The following DGKD variants were observed in gnomAD, a reference collection of about 807,000 sequenced individuals.
The protein encoded by DGKD is DAG kinase delta.
In DGKD, 68 loss-of-function variants were observed where a neutral mutation model predicts 154.4. The observed-to-expected ratio is 0.44, with a 90% CI of 0.36 to 0.54. DGKD has a LOEUF of 0.54. Among genes scored for constraint, DGKD ranks in the 20% least tolerant of loss-of-function variants. The pLI is 0.00. For missense variants in DGKD, 1,343 were observed against 1,593.6 expected (o/e 0.84, Z 2.68); for synonymous variants, 693 against 638.0 (o/e 1.09, Z -1.30).
rs1010556786 is a variant in DGKD, at chr2:233,459,844, A to G, written c.2782A>G (p.Ile928Val). Residue 928 changes from isoleucine to valine, a missense_variant, in exon 23 of 30, where the codon ATT (isoleucine) becomes GTT (valine). Transcript: ENST00000264057. The surrounding 1 kb of genome is among the most constrained non-coding windows in gnomAD (Gnocchi z 5.7). ...GGCCTGGGTCCAGCCGCCAGGGTAC[A>G]TTCGGATTGTCCACAAGAACCGGGC... Reference protein sequence around the residue: ...GEAWVQPPGYIRIVHKNRAQT... With the variant: ...GEAWVQPPGYVRIVHKNRAQT... 5.0e-6 allele frequency: 8 copies of G among 1,613,978 alleles called. No individual in the cohort carries two copies. Among genetic ancestry groups the G allele is most frequent in the East Asian group, 2.2e-5 (1 of 44,876 alleles).
At position 233,441,823 on chromosome 2, in the gene DGKD, G is replaced by T; in HGVS notation, c.1086-64G>T. ...ACAGGTGGCCCCTCAGCCCCGTACTGACAAGCCTGTCATTTGTCCTGTGGA... is the reference window on the plus strand; with the variant it reads ...ACAGGTGGCCCCTCAGCCCCGTACTTACAAGCCTGTCATTTGTCCTGTGGA... On this transcript the variant is annotated intron_variant, in intron 9 of 29. Transcript: ENST00000264057. This position sits in a 1 kb window ranked among gnomAD's most constrained non-coding sequence, Gnocchi z 5.6. 1.3e-6 allele frequency: 2 copies of T among 1,518,236 alleles called. No individual in the cohort carries two copies. The highest frequency in any genetic ancestry group is 2.4e-5 in the South Asian group (2 of 82,258). 94.0% of individuals were successfully genotyped at this position (1,518,236 alleles called of 1,614,324 possible). A position where few individuals can be genotyped will look rare whatever the true frequency, so the allele number is the denominator to read the frequency against.
intron 11 of DGKD, among the ~76,000 whole-genome samples, chr2:233,446,062 C>A (rs1016624897): frequency 6.6e-6 from 1 of 152,200 alleles, no homozygotes; most frequent in African/African-American, 2.4e-5. Context: ...TGCTTCAGCC[C>A]GAGATCTAAT....
chr2:233,409,792 T>G (rs903464822), intron 3 of DGKD, among the ~76,000 whole-genome samples: 5 of 39,888 alleles, frequency 1.3e-4, no homozygotes, highest in Admixed American at 2.4e-4. Flanking sequence ...ATACCGTTTT[T>G]TTTTTTTTTT....
At position 233,468,502 on chromosome 2, in the gene DGKD, G is replaced by T. The variant is rs1387940009; in HGVS notation, c.3504G>T (p.Arg1168=). Residue 1168 remains arginine, a synonymous_variant, in exon 29 of 30, where the codon CGG becomes CGT. Coordinates refer to ENST00000264057, the MANE Select transcript of DGKD (RefSeq NM_152879.3). ...SLCEYKDIFT[R]HDIRGSELLH... ...GTGAGTATAAGGACATCTTCACACG[G>T]CACGACATCCGGGGCTCTGAGCTCC... 1 of 1,613,612 alleles carries T rather than the reference G, an allele frequency of 6.2e-7. No individual in the cohort carries two copies. The highest frequency in any genetic ancestry group is 1.3e-5 in the African/African-American group (1 of 74,784).
chr2:233,462,649 A>T lies in DGKD; in HGVS notation c.3100A>T (p.Asn1034Tyr), dbSNP rs1261692295. 1 of 1,614,036 alleles carries T rather than the reference A, an allele frequency of 6.2e-7. No individual in the cohort carries two copies. The highest frequency in any genetic ancestry group is 1.7e-5 in the Admixed American group (1 of 60,016). Reference protein sequence around the residue: ...YGKPRTTEGLNCSFVLEMVNN... With the variant: ...YGKPRTTEGLYCSFVLEMVNN... ...TTTGCCTGGTTTCTTCTAGGGGCTC[A>T]ACTGCAGCTTCGTCCTGGAAATGGT... Residue 1034 changes from asparagine (N) to tyrosine (Y), a missense_variant, in exon 26 of 30, where the codon AAC becomes TAC. By Grantham distance (143) the Asn-to-Tyr change is moderately radical. Coordinates refer to ENST00000264057, the MANE Select transcript of DGKD (RefSeq NM_152879.3).
chr2:233,454,583 A>G, intron 18 of DGKD, 180 bp from the exon 19 acceptor site: 1 of 584,026 alleles, frequency 1.7e-6, no homozygotes, highest in Non-Finnish European at 3.1e-6. Context: ...ACTAAAAATA[A>G]TTGAATTGTA....
At position 233,464,208 on chromosome 2, in the gene DGKD, C is replaced by T. The variant is rs902034962; in HGVS notation, c.3231C>T (p.Ala1077=). Residue 1077 remains alanine (A), a synonymous_variant, in exon 27 of 30, where the codon GCC becomes GCT. Transcript: ENST00000264057. ...PQKEQLGSAL[A]EMDRQLRRLA... ...AGGAGCAGCTGGGGAGTGCTCTTGC[C>T]GAGATGGACCGACAGCTCAGGAGGC... 17 of 1,613,618 alleles carry T rather than the reference C, an allele frequency of 1.1e-5. No homozygotes were observed. Among genetic ancestry groups the T allele is most frequent in the East Asian group, 4.5e-5 (2 of 44,870 alleles).
At position 233,451,065 on chromosome 2, in the gene DGKD, G is replaced by T; in HGVS notation, c.2167+15G>T. 6.3e-7 allele frequency: 1 copy of T among 1,595,658 alleles called. No individual in the cohort carries two copies. Among genetic ancestry groups the T allele is most frequent in the Non-Finnish European group, 8.6e-7 (1 of 1,164,886 alleles). ...CCTGTACCCAAGTGAGTGGCGGCCA[G>T]CAGGAGGGACTGGTGGGGGCCCTAG... On this transcript the variant is annotated intron_variant, in intron 17 of 29. Transcript: ENST00000264057.
At position 233,467,130 on chromosome 2, in the gene DGKD, C is replaced by G. The variant is rs760475646; in HGVS notation, c.3351C>G (p.Phe1117Leu). The change falls in exon 28 of 30, where the codon TTC becomes TTG. Residue 1117 changes from phenylalanine to leucine, a missense_variant. Phe to Leu is a conservative substitution (Grantham distance 22). Transcript: ENST00000264057. The stretch of plus-strand genomic sequence containing the variant: ...CCAAGCGCAGTCGCAGTGGTAAATT[C>G]CGCCTCGTGACCAAGTTTAAAAAGG... ...DLAKRSRSGK[F>L]RLVTKFKKEK... is the part of the protein sequence containing the mutation. 2.5e-6 allele frequency: 4 copies of G among 1,614,222 alleles called. No individual in the cohort carries two copies. Among genetic ancestry groups the G allele is most frequent in the Non-Finnish European group, 3.4e-6 (4 of 1,180,026 alleles).
rs1046413371 is a variant in DGKD, at chr2:233,396,473, C to T, written c.348+5990C>T. Among the ~76,000 whole-genome samples the T allele has an allele frequency of 3.4e-5, 5 of 147,886 alleles. No homozygotes were observed. The East Asian group carries it at 9.9e-4, about 29-fold the overall frequency. Reference sequence around the variant, plus strand: ...GCGGTGGGTAGAAATGGAGAGGAGCCACTCTGCATCAAGCTTATATTCTCG... The same window carrying T: ...GCGGTGGGTAGAAATGGAGAGGAGCTACTCTGCATCAAGCTTATATTCTCG... On this transcript the variant is annotated intron_variant, in intron 3 of 29. Transcript: ENST00000264057.
At chr2:233,420,751 C>T (rs1285878611) in intron 3 of DGKD, among the ~76,000 whole-genome samples, 2 of 152,196 alleles carry the variant, frequency 1.3e-5, no homozygotes, top group Non-Finnish European at 2.9e-5. Context: ...AGGCATGAAC[C>T]GCAGAGCTCC....
chr2:233,355,573 C>G (rs935028070), intron 1 of DGKD, among the ~76,000 whole-genome samples: 1 of 152,164 alleles, frequency 6.6e-6, no homozygotes, highest in East Asian at 1.9e-4. Context: ...TAGGTTCAGC[C>G]GTTCCCTTCA....
chr2:233,388,742 T>C lies in DGKD; in HGVS notation c.267+375T>C, dbSNP rs1218631973. 1.1e-3 allele frequency: 6 copies of C among 5,654 alleles called. No homozygotes were observed. The Admixed American group carries it at 0.012, about 11-fold the overall frequency. The allele number at this position is 5,654 out of a possible 1,614,324, so 0.4% of individuals were successfully genotyped here. A position where few individuals can be genotyped will look rare whatever the true frequency, so the allele number is the denominator to read the frequency against. ...TATTCTTTAAGTATATTGAAGTTCT[T>C]TTTTTTTTTTTTTTTTTTTTTGAGA... On this transcript the variant is annotated intron_variant, in intron 2 of 29. Transcript: ENST00000264057.
chr2:233,466,591 C>A (rs968247185), intron 27 of DGKD, among the ~76,000 whole-genome samples: 3 of 151,840 alleles, frequency 2.0e-5, no homozygotes, highest in Non-Finnish European at 2.9e-5. Context: ...GAGCAGAGGC[C>A]GAGCCTCTGT....
chr2:233,454,439 A>G, intron 18 of DGKD: 1 of 480,612 alleles, frequency 2.1e-6, no homozygotes, highest in East Asian at 6.6e-5. Flanking sequence ...GTGGAGGTGG[A>G]AAGTAGACGA....
chr2:233,456,689 C>T (rs560726556), intron 19 of DGKD, among the ~76,000 whole-genome samples: 1 of 152,172 alleles, frequency 6.6e-6, no homozygotes, highest in South Asian at 2.1e-4. Context: ...CAAAATGTTA[C>T]TATTGAGCAA....
Position 233,354,559 on chromosome 2 carries a change from A to AACCGCCTCC in DGKD, c.42_50dup (p.Pro19_Pro21dup). On this transcript the variant is annotated inframe_insertion, in exon 1 of 30. Transcript: ENST00000264057. This position sits in a 1 kb window ranked among gnomAD's most constrained non-coding sequence, Gnocchi z 4.8. ...GGCGCCCCTCCGCCGGGTCCCCCGC[A>AACCGCCTCC]ACCGCCTCCGCCGCCGCCGCCCGAG... 1 of 1,047,894 alleles carries AACCGCCTCC rather than the reference A, an allele frequency of 9.5e-7. No individual in the cohort carries two copies. The highest frequency in any genetic ancestry group is 1.2e-6 in the Non-Finnish European group (1 of 864,652). 64.9% of individuals were successfully genotyped at this position (1,047,894 alleles called of 1,614,324 possible). A position where few individuals can be genotyped will look rare whatever the true frequency, so the allele number is the denominator to read the frequency against.
chr2:233,465,146 CAGTG>C (rs1292596088), intron 27 of DGKD, among the ~76,000 whole-genome samples: 1 of 152,216 alleles, frequency 6.6e-6, no homozygotes, highest in Non-Finnish European at 1.5e-5. Flanking sequence ...AGCAGCTTCT[CAGTG>C]AGGGCACTTG....
At chr2:233,467,408 C>T (rs912745949) in intron 28 of DGKD, among the ~76,000 whole-genome samples, 6 of 152,170 alleles carry the variant, frequency 3.9e-5, no homozygotes, top group Admixed American at 2.0e-4. Flanking sequence ...TTGTCACACC[C>T]GGCCCTGACG....
Sources: gnomAD v4.1 joint callset for allele counts (sites outside exome capture counted in the v4.1 genomes callset) on GRCh38, gnomAD v4.1.1 for gene constraint, Gnocchi (gnomAD v3.1) non-coding constraint, MANE v1.5 for transcripts, NCBI Gene and HGNC (gene_info 2026-07-23, HGNC 2026-07-21) for gene names.